Variants in PALM2AKAP2 observed in about 807,000 individuals in gnomAD.
PALM2AKAP2 encodes the protein PALM2 and AKAP2 fusion.
A neutral mutation model predicts 71.5 loss-of-function variants in PALM2AKAP2; 37 were observed. The ratio of observed to expected loss-of-function variants is 0.52; its 90% confidence interval spans 0.40 to 0.68. The LOEUF (loss-of-function observed/expected upper bound fraction) is 0.68. PALM2AKAP2 is among the 30% of genes least tolerant of loss of function. PALM2AKAP2 has a pLI of 0.00. For missense variants in PALM2AKAP2, 1,224 were observed against 1,191.8 expected, an observed-to-expected ratio of 1.03 and a Z score of -0.40; for synonymous variants, 468 against 478.8, an observed-to-expected ratio of 0.98 and a Z score of 0.29.
chr9:109,996,890 G>A (rs1832587181), intron 6 of PALM2AKAP2, among the ~76,000 whole-genome samples: 2 of 152,194 alleles, frequency 1.3e-5, no homozygotes, highest in Non-Finnish European at 2.9e-5. Context: ...GTGCATGTGT[G>A]TACATAAGAA....
Position 110,137,699 on chromosome 9 carries a change from C to T in PALM2AKAP2, c.1729C>T (p.Leu577=), listed in dbSNP as rs1335789242. 4.3e-6 allele frequency: 7 copies of T among 1,614,032 alleles called. No individual in the cohort carries two copies. In the African/African-American group the frequency reaches 9.3e-5, roughly 22 times the overall value. Reference sequence around the variant, plus strand: ...GGTGAGGTCTCAGGATACCACAGTCCTGGAGACCCTATCCAATGATTTCAG... The same window carrying T: ...GGTGAGGTCTCAGGATACCACAGTCTTGGAGACCCTATCCAATGATTTCAG... Residue 577 remains leucine, a synonymous_variant, in exon 2 of 4, where the codon CTG becomes TTG. Transcript: ENST00000374525.
chr9:109,688,089 G>A (rs1307236375), intron 1 of PALM2AKAP2, among the ~76,000 whole-genome samples: 2 of 152,090 alleles, frequency 1.3e-5, no homozygotes, highest in African/African-American at 2.4e-5. Context: ...CAAAGATCAC[G>A]GATCACAGAT....
chr9:109,873,664 A>G (rs1829657072), intron 2 of PALM2AKAP2, among the ~76,000 whole-genome samples: 1 of 152,210 alleles, frequency 6.6e-6, no homozygotes, highest in African/African-American at 2.4e-5. Flanking sequence ...TTATCTATGT[A>G]TGACATCAAA....
intron 1 of PALM2AKAP2, among the ~76,000 whole-genome samples, chr9:109,678,505 A>G (rs1335716112): frequency 1.3e-5 from 2 of 152,196 alleles, no homozygotes; most frequent in Non-Finnish European, 2.9e-5. Context: ...ACCATGCTTT[A>G]TATTCAAGGT....
chr9:110,160,858 A>G (rs1371008372), intron 3 of PALM2AKAP2, among the ~76,000 whole-genome samples: 1 of 152,030 alleles, frequency 6.6e-6, no homozygotes. Context: ...TTCTCATCCC[A>G]TGACTTCATT....
At chr9:109,933,521 A>G (rs978233609) in intron 6 of PALM2AKAP2, among the ~76,000 whole-genome samples, 2 of 152,210 alleles carry the variant, frequency 1.3e-5, no homozygotes, top group Non-Finnish European at 2.9e-5. Flanking sequence ...TAAGAGACAG[A>G]AAAAGAATTT....
chr9:109,902,744 T>C (rs1830357791), intron 3 of PALM2AKAP2, among the ~76,000 whole-genome samples: 1 of 152,254 alleles, frequency 6.6e-6, no homozygotes, highest in African/African-American at 2.4e-5. Flanking sequence ...ACATTTACTG[T>C]GCCCTTGGCC....
At chr9:110,105,801 CCTTTT>C (rs1169046253) in intron 1 of PALM2AKAP2, among the ~76,000 whole-genome samples, 3 of 152,144 alleles carry the variant, frequency 2.0e-5, no homozygotes, top group Non-Finnish European at 4.4e-5. Context: ...TTACAAGTAT[CCTTTT>C]AGACTTGCAA....
chr9:109,650,224 G>T (rs113941034), intron 1 of PALM2AKAP2, among the ~76,000 whole-genome samples: 2,464 of 151,938 alleles, frequency 0.016, 29 homozygotes, highest in Middle Eastern at 0.041. Flanking sequence ...ACCAAACATT[G>T]GGCCTTTGTG....
chr9:109,747,379 A>C (rs555667875), intron 1 of PALM2AKAP2, among the ~76,000 whole-genome samples: 1 of 152,290 alleles, frequency 6.6e-6, no homozygotes, highest in East Asian at 1.9e-4. Flanking sequence ...TTGTTAAAAT[A>C]TATTCTATTC....
intron 1 of PALM2AKAP2, among the ~76,000 whole-genome samples, chr9:110,112,369 C>A (rs951776860): frequency 1.3e-5 from 2 of 152,116 alleles, no homozygotes; most frequent in African/African-American, 4.8e-5. Flanking sequence ...TGTCTTTGGG[C>A]AAATTACTTA....
intron 1 of PALM2AKAP2, among the ~76,000 whole-genome samples, chr9:110,057,379 T>C (rs1449789206): frequency 1.5e-5 from 2 of 129,432 alleles, no homozygotes; most frequent in African/African-American, 6.1e-5. Context: ...TTTTTTTTTT[T>C]TGTTTTTTTG....
intron 1 of PALM2AKAP2, chr9:109,847,588 A>G (rs1266218023): frequency 1.3e-5 from 2 of 152,258 alleles, no homozygotes; most frequent in Non-Finnish European, 2.9e-5. Context: ...AAAAATACAA[A>G]AAAGTAGCTG....
chr9:109,849,972 G>A (rs1010353607), intron 1 of PALM2AKAP2, among the ~76,000 whole-genome samples: 9 of 152,082 alleles, frequency 5.9e-5, no homozygotes, highest in African/African-American at 1.2e-4. Context: ...TGGTAAGATC[G>A]TGGAAAGTTC....
At chr9:110,089,411 TG>T (rs1053754546) in intron 1 of PALM2AKAP2, among the ~76,000 whole-genome samples, 1 of 152,178 alleles carries the variant, frequency 6.6e-6, no homozygotes, top group Non-Finnish European at 1.5e-5. Context: ...CAGCAAGTCC[TG>T]AGATGGAGAT....
chr9:110,057,208 C>T (rs532564351), intron 1 of PALM2AKAP2, among the ~76,000 whole-genome samples: 2 of 152,232 alleles, frequency 1.3e-5, no homozygotes, highest in African/African-American at 4.8e-5. Flanking sequence ...TCATAGCTTA[C>T]TGCAACCTTG....
chr9:110,123,819 G>T (rs1361450126), intron 1 of PALM2AKAP2, among the ~76,000 whole-genome samples: 2 of 152,352 alleles, frequency 1.3e-5, no homozygotes, highest in African/African-American at 4.8e-5. Flanking sequence ...TTGCATCGCT[G>T]GTCGAGGGCA....
chr9:109,831,998 C>T lies in PALM2AKAP2; in HGVS notation c.46-35493C>T, dbSNP rs116254522. Among the ~76,000 whole-genome samples the T allele has an allele frequency of 2.5e-3, 383 of 152,270 alleles. 1 individual carries two copies. Among genetic ancestry groups the T allele is most frequent in the African/African-American group, 8.9e-3 (371 of 41,548 alleles). On this transcript the variant is annotated intron_variant, in intron 1 of 9. Coordinates refer to the PALM2AKAP2 transcript ENST00000302798. ...CAAACTATCTAGAGTATAAATATTT[C>T]CTTTTGAGGGGGATACTGACAGATT... is the stretch of plus-strand genomic sequence containing the variant.
intron 3 of PALM2AKAP2, among the ~76,000 whole-genome samples, chr9:109,921,002 G>A (rs1373039778): frequency 6.6e-6 from 1 of 152,164 alleles, no homozygotes; most frequent in Non-Finnish European, 1.5e-5. Flanking sequence ...TTACACAGAT[G>A]TGTGTAGAAG....
Sources: gnomAD v4.1 joint callset for allele counts (sites outside exome capture counted in the v4.1 genomes callset) on GRCh38, gnomAD v4.1.1 for gene constraint, MANE v1.5 for transcripts, NCBI Gene and HGNC (gene_info 2026-07-23, HGNC 2026-07-21) for gene names.